The following CWC25 variants were observed in gnomAD, a reference collection of about 807,000 sequenced individuals.
The protein encoded by CWC25 is CWC25 spliceosome associated protein.
CWC25 carries 31 observed loss-of-function variants against 54.6 expected under a neutral mutation model. The ratio of observed to expected loss-of-function variants is 0.57; its 90% CI spans 0.43 to 0.77. CWC25 has a LOEUF of 0.77. Among genes scored for constraint, CWC25 ranks in the 30% least tolerant of loss-of-function variants. The probability of loss-of-function intolerance (pLI) is 0.00; values close to 1 mark genes in which losing one functional copy is unlikely to be tolerated. For missense variants in CWC25, 453 were observed against 529.3 expected (o/e 0.86, Z 1.41); for synonymous variants, 151 against 187.0 (o/e 0.81, Z 1.57).
Position 38,806,857 on chromosome 17 carries a change from A to G in CWC25, c.810T>C (p.His270=). The part of the protein sequence containing the change: ...SRSSSHSPPR[H]ASKKSTREAG... ...CTTCCCTGGTGCTCTTCTTGCTGGC[A>G]TGTCTTGGGGGTGAGTGGGAGGAGC... The change falls in exon 7 of 10, where the codon CAT becomes CAC. Residue 270 remains histidine, a synonymous_variant. Transcript: ENST00000614790. The G allele has an allele frequency of 1.2e-6, 2 of 1,613,522 alleles. No individual in the cohort carries two copies. Among genetic ancestry groups the G allele is most frequent in the Non-Finnish European group, 1.7e-6 (2 of 1,179,774 alleles).
intron 7 of CWC25, 132 bp from the exon 8 acceptor site, chr17:38,806,527 A>G: frequency 1.2e-6 from 1 of 863,778 alleles, no homozygotes; most frequent in Non-Finnish European, 1.8e-6. Flanking sequence ...ACAAAGGTAT[A>G]GGGTTTGATG....
chr17:38,814,694 A>G (rs1275236395), intron 3 of CWC25, among the ~76,000 whole-genome samples, 167 bp downstream of exon 3: 2 of 145,442 alleles, frequency 1.4e-5, no homozygotes, highest in African/African-American at 5.1e-5. Flanking sequence ...TGTAGTGAGC[A>G]GAGATCGCGC....
At position 38,800,853 on chromosome 17, in the gene CWC25, G is replaced by C. The variant is rs1435369448; in HGVS notation, c.*1239C>G. ...GGCTGGAGTGCGGTGGCACAATCTC[G>C]GCTCACTGCAAGCTCCGCCTCCTGG... On this transcript the variant is annotated 3_prime_UTR_variant, in exon 10 of 10. Coordinates refer to ENST00000614790, the MANE Select transcript of CWC25 (RefSeq NM_017748.5). 6.6e-6 allele frequency: 1 copy of C among 152,070 alleles called. No individual in the cohort carries two copies. Among genetic ancestry groups the C allele is most frequent in the Non-Finnish European group, 1.5e-5 (1 of 68,026 alleles). 9.4% of individuals were successfully genotyped at this position (152,070 alleles called of 1,614,324 possible).
rs754459731 is a variant in CWC25 at position 38,810,608 on chromosome 17, G to A, written c.499-13C>T. ...GACTCATTTGCAACTGGAAAATGCC[G>A]AGAACACAAGCACACAAGATTACTG... On this transcript the variant is annotated splice_polypyrimidine_tract_variant and intron_variant, in intron 4 of 9. Coordinates refer to ENST00000614790, the MANE Select transcript of CWC25 (RefSeq NM_017748.5). 2.3e-5 allele frequency: 29 copies of A among 1,270,076 alleles called. No homozygotes were observed. Among genetic ancestry groups the A allele is most frequent in the African/African-American group, 1.0e-4 (7 of 67,510 alleles). 78.7% of individuals were successfully genotyped at this position (1,270,076 alleles called of 1,614,324 possible). A position where few individuals can be genotyped will look rare whatever the true frequency, so the allele number is the denominator to read the frequency against.
chr17:38,816,710 A>C (rs1323371151), intron 2 of CWC25, among the ~76,000 whole-genome samples: 1 of 150,140 alleles, frequency 6.7e-6, no homozygotes, highest in Admixed American at 6.6e-5. Context: ...CCCCAGACAG[A>C]GTTTCACTCT....
chr17:38,803,563 G>A (rs937736719), intron 8 of CWC25, among the ~76,000 whole-genome samples: 3 of 152,056 alleles, frequency 2.0e-5, no homozygotes, highest in Admixed American at 6.6e-5. Flanking sequence ...CGAGGAGGCG[G>A]AGGTTGCAGT....
Position 38,810,525 on chromosome 17 carries a change from T to G in CWC25, c.569A>C (p.Lys190Thr), listed in dbSNP as rs943556467. The G allele has an allele frequency of 1.9e-6, 3 of 1,605,112 alleles. No homozygotes were observed. Among genetic ancestry groups the G allele is most frequent in the Non-Finnish European group, 2.6e-6 (3 of 1,175,864 alleles). ...KEKKKKHKKHKHRSSSSDRSS... is the reference protein window; with the variant it reads ...KEKKKKHKKHTHRSSSSDRSS... ...ACGATCACTACTCGAGCTTCTGTGCTTATGTTTCTTGTGCTTCTTTTTCTT... is the reference window on the plus strand; with the variant it reads ...ACGATCACTACTCGAGCTTCTGTGCGTATGTTTCTTGTGCTTCTTTTTCTT... Residue 190 changes from lysine (K) to threonine (T), a missense_variant, in exon 5 of 10, where the codon AAG becomes ACG. Physicochemically the swap from Lys to Thr is moderately conservative, Grantham distance 78. Coordinates refer to ENST00000614790, the MANE Select transcript of CWC25 (RefSeq NM_017748.5).
At chr17:38,809,806 A>G in intron 5 of CWC25, 41 bp from the exon 6 acceptor site, 1 of 1,554,772 alleles carries the variant, frequency 6.4e-7, no homozygotes, top group South Asian at 1.1e-5. Context: ...AAAAGAAAAT[A>G]TATATAGGTC....
At position 38,802,004 on chromosome 17, in the gene CWC25, GAAGTCA is replaced by G; in HGVS notation, c.*82_*87del. 1.3e-6 allele frequency: 1 copy of G among 751,868 alleles called. No homozygotes were observed. Among genetic ancestry groups the G allele is most frequent in the South Asian group, 1.9e-5 (1 of 53,042 alleles). The allele number at this position is 751,868 out of a possible 1,614,324, so 46.6% of individuals were successfully genotyped here. Reference sequence around the variant, plus strand: ...CACTGGTGGTTTGACATCTGTGAAAGAAGTCATTTGAACTCTTATAAAGAGAATTAA... The same window carrying G: ...CACTGGTGGTTTGACATCTGTGAAAGTTTGAACTCTTATAAAGAGAATTAA... On this transcript the variant is annotated 3_prime_UTR_variant, in exon 10 of 10. Transcript: ENST00000614790.
chr17:38,819,398 C>T (rs914436077), intron 2 of CWC25, among the ~76,000 whole-genome samples: 22 of 149,820 alleles, frequency 1.5e-4, no homozygotes, highest in African/African-American at 5.1e-4. Flanking sequence ...GACGGAGTCT[C>T]GCTCTGTCGC....
chr17:38,808,802 C>T (rs563685144), intron 6 of CWC25, among the ~76,000 whole-genome samples: 2 of 151,122 alleles, frequency 1.3e-5, no homozygotes, highest in South Asian at 4.2e-4. Context: ...CAAAATTAGC[C>T]GGGCATGGTG....
In CWC25 at chr17:38,802,144, T is replaced by G. The variant is rs758294856; in HGVS notation, c.1226A>C (p.Tyr409Ser). The part of the protein sequence containing the change: ...SLEDRVKRNI[Y>S]SLQRTSVALE... Reference sequence around the variant, plus strand: ...AGCTACCGAAGTTCTCTGTAAAGAGTAGATATTCCGCTTCACCCGATCCTC... The same window carrying G: ...AGCTACCGAAGTTCTCTGTAAAGAGGAGATATTCCGCTTCACCCGATCCTC... The change falls in exon 10 of 10, where the codon TAC (tyrosine) becomes TCC (serine). Residue 409 changes from tyrosine (Y) to serine (S), a missense_variant. Transcript: ENST00000614790. 1.2e-6 allele frequency: 2 copies of G among 1,613,742 alleles called. No individual in the cohort carries two copies. The highest frequency in any genetic ancestry group is 1.7e-5 in the Admixed American group (1 of 60,002).
chr17:38,816,864 T>G (rs543022622), intron 2 of CWC25, among the ~76,000 whole-genome samples: 1 of 151,382 alleles, frequency 6.6e-6, no homozygotes, highest in East Asian at 2.0e-4. Flanking sequence ...TTTTGTACTT[T>G]TAGTAAAGAC....
At chr17:38,818,015 C>G (rs778681555) in intron 2 of CWC25, among the ~76,000 whole-genome samples, 1 of 151,694 alleles carries the variant, frequency 6.6e-6, no homozygotes. Context: ...CAGTGGCTCA[C>G]GCCTGTAATC....
chr17:38,806,347 T>C lies in CWC25; in HGVS notation c.951A>G (p.Pro317=). The change falls in exon 8 of 10, where the codon CCA becomes CCG. Residue 317 remains proline, a synonymous_variant. Transcript: ENST00000614790. ...TTTGGTAGACCTCTTTTTTAGGTGA[T>C]GGGCTCCTAGTTTGGCCTGTCTCTC... The part of the protein sequence containing the change: ...NRRETGQTRS[P]SPKKEVYQRR... 1 of 1,613,702 alleles carries C rather than the reference T, an allele frequency of 6.2e-7. No homozygotes were observed. The highest frequency in any genetic ancestry group is 8.5e-7 in the Non-Finnish European group (1 of 1,179,796).
At chr17:38,815,417 C>A (rs1464400273) in intron 2 of CWC25, among the ~76,000 whole-genome samples, 3 of 152,054 alleles carry the variant, frequency 2.0e-5, no homozygotes, top group Non-Finnish European at 4.4e-5. Context: ...ATTAGCCAGG[C>A]GTGGTGGCGG....
intron 5 of CWC25, 93 bp from the exon 6 acceptor site, chr17:38,809,858 A>G (rs1220685674): frequency 7.6e-6 from 9 of 1,188,252 alleles, no homozygotes; most frequent in African/African-American, 1.5e-5. Context: ...CTTGCCTCCA[A>G]TGTGACCTTT....
rs1300639843 is a variant in CWC25, at chr17:38,808,464, G to A, written c.690+1238C>T. ...GAAGAGCGAGATGCAGAAGCATGGA[G>A]GACAGGACCCAAGGTTAAAAATACA... is the stretch of plus-strand genomic sequence containing the variant. On this transcript the variant is annotated intron_variant, in intron 6 of 9. Coordinates refer to ENST00000614790, the MANE Select transcript of CWC25 (RefSeq NM_017748.5). 1.4e-5 allele frequency among the ~76,000 whole-genome samples: 2 copies of A among 138,630 alleles called. 1 individual carries two copies. The highest frequency in any genetic ancestry group is 5.2e-5 in the African/African-American group (2 of 38,190). 90.9% of individuals were successfully genotyped at this position (138,630 alleles called of 152,430 possible). A position where few individuals can be genotyped will look rare whatever the true frequency, so the allele number is the denominator to read the frequency against.
chr17:38,806,218 TTA>T (rs1478272705), intron 8 of CWC25, 77 bp downstream of exon 8: 9 of 1,225,848 alleles, frequency 7.3e-6, no homozygotes, highest in Non-Finnish European at 1.1e-5. Flanking sequence ...TAATGATGGA[TTA>T]TCCATTTGCC....
Sources: gnomAD v4.1 joint callset for allele counts (sites outside exome capture counted in the v4.1 genomes callset) on GRCh38, gnomAD v4.1.1 for gene constraint, MANE v1.5 for transcripts, NCBI Gene and HGNC (gene_info 2026-07-23, HGNC 2026-07-21) for gene names.